Variants in ITPKB observed in about 807,000 individuals in gnomAD.
The protein encoded by ITPKB is IP3 3-kinase B.
ITPKB carries 13 observed loss-of-function variants against 69.4 expected under a neutral mutation model. The ratio of observed to expected loss-of-function variants is 0.19; its 90% CI spans 0.12 to 0.30. ITPKB has a LOEUF of 0.30. ITPKB is among the 10% of genes least tolerant of loss of function. The pLI, the probability that ITPKB is intolerant of heterozygous loss-of-function variation, is 1.00. For missense variants in ITPKB, 1,240 were observed against 1,250.5 expected, an observed-to-expected ratio of 0.99 and a Z score of 0.13; for synonymous variants, 584 against 513.7, an observed-to-expected ratio of 1.14 and a Z score of -1.85.
At chr1:226,733,583 C>CA (rs1401446310) in intron 2 of ITPKB, among the ~76,000 whole-genome samples, 1 of 141,770 alleles carries the variant, frequency 7.1e-6, no homozygotes, top group Non-Finnish European at 1.6e-5. Context: ...CACACACACA[C>CA]ACACACCCAC....
In ITPKB at chr1:226,735,573, G is replaced by A; in HGVS notation, c.1886C>T (p.Pro629Leu). The change falls in exon 2 of 8, where the codon CCC (proline) becomes CTC (leucine). Residue 629 changes from proline (P) to leucine (L), a missense_variant. By Grantham distance (98) the Pro-to-Leu change is moderately conservative. Around this residue, in one of 2 missense-constraint regions of ITPKB, gnomAD observed 992 missense variants for 853.8 expected, o/e 1.16. Coordinates refer to ENST00000429204, the MANE Select transcript of ITPKB (RefSeq NM_002221.4). ...CAGGGTATGCAGGAAGGCTGAGTTG[G>A]GGTCCAGGGTGCGCTCAGGGTCACT... Reference protein sequence around the residue: ...ISSDPERTLDPNSAFLHTLDQ... With the variant: ...ISSDPERTLDLNSAFLHTLDQ... The A allele has an allele frequency of 1.3e-6, 2 of 1,563,168 alleles. No homozygotes were observed.
chr1:226,637,468 G>C lies in ITPKB; in HGVS notation c.2625+211C>G, dbSNP rs1668862346. Among the ~76,000 whole-genome samples, 1 of 152,206 alleles carries C rather than the reference G, an allele frequency of 6.6e-6. No homozygotes were observed. The highest frequency in any genetic ancestry group is 2.4e-5 in the African/African-American group (1 of 41,458). ...ACAAGGGAGGAGAAAGGGGGCAATA[G>C]CCAGGGGTCTCAGGCAGGACAGCCC... On this transcript the variant is annotated intron_variant, in intron 7 of 7. Transcript: ENST00000429204. This position sits in a 1 kb window ranked among gnomAD's most constrained non-coding sequence, Gnocchi z 4.3.
chr1:226,729,823 G>A (rs917909571), intron 2 of ITPKB, among the ~76,000 whole-genome samples: 1 of 152,020 alleles, frequency 6.6e-6, no homozygotes, highest in Admixed American at 6.6e-5. Context: ...TCGAACTCCT[G>A]ACCTCAGGTG....
At chr1:226,662,454 G>A (rs1669419776) in intron 2 of ITPKB, among the ~76,000 whole-genome samples, 1 of 152,152 alleles carries the variant, frequency 6.6e-6, no homozygotes, top group Non-Finnish European at 1.5e-5. Flanking sequence ...AAAACTTCAG[G>A]TTATACATTT....
Position 226,738,672 on chromosome 1 carries a change from G to A in ITPKB, c.-206+369C>T, listed in dbSNP as rs912356487. Among the ~76,000 whole-genome samples, 1 of 152,080 alleles carries A rather than the reference G, an allele frequency of 6.6e-6. No homozygotes were observed. Among genetic ancestry groups the A allele is most frequent in the Admixed American group, 6.5e-5 (1 of 15,290 alleles). ...TAGCTCTGCAAACCTCCCAGGAGCC[G>A]GCGCTCTAACACCCCAGGGCAGCGC... On this transcript the variant is annotated intron_variant, in intron 1 of 7. Transcript: ENST00000429204. The surrounding 1 kb of genome is among the most constrained non-coding windows in gnomAD (Gnocchi z 4.2).
At chr1:226,665,365 T>C (rs1224884464) in intron 2 of ITPKB, among the ~76,000 whole-genome samples, 2 of 152,184 alleles carry the variant, frequency 1.3e-5, no homozygotes, top group Non-Finnish European at 2.9e-5. Context: ...CGCGGGCAAG[T>C]CACCTACTTT....
intron 2 of ITPKB, among the ~76,000 whole-genome samples, chr1:226,711,171 T>C (rs1362550026): frequency 2.6e-5 from 4 of 151,564 alleles, no homozygotes; most frequent in Non-Finnish European, 2.9e-5. Context: ...TGGGTGCTCA[T>C]AAATAGGACA....
intron 4 of ITPKB, among the ~76,000 whole-genome samples, chr1:226,643,660 G>T (rs139270273): frequency 6.6e-6 from 1 of 152,186 alleles, no homozygotes; most frequent in African/African-American, 2.4e-5. Context: ...AAATTTGCAC[G>T]GAAAGAAAAG....
chr1:226,645,372 G>A lies in ITPKB; in HGVS notation c.2246+1795C>T, dbSNP rs186958394. 2.8e-4 allele frequency among the ~76,000 whole-genome samples: 42 copies of A among 152,328 alleles called. No homozygotes were observed. The East Asian group carries it at 7.7e-3, about 28-fold the overall frequency. ...AGATCTCTCTTGAGAGCACTAGGGT[G>A]CAATCAGAGAGAAGCTGCGGAAGTC... On this transcript the variant is annotated intron_variant, in intron 4 of 7. Transcript: ENST00000429204.
rs1483131358 is a variant in ITPKB at position 226,735,939 on chromosome 1, C to T, written c.1520G>A (p.Arg507Lys). The change falls in exon 2 of 8, where the codon AGG becomes AAG. Residue 507 changes from arginine to lysine, a missense_variant. Physicochemically the swap from Arg to Lys is conservative, Grantham distance 26. Transcript: ENST00000429204. ...DRVGVQPGNS[R>K]VWQGTMEKAG... is the part of the protein sequence containing the mutation. ...TTTCTCCATGGTGCCCTGCCAAACC[C>T]TGGAGTTCCCAGGCTGCACACCCAC... 1 of 1,614,114 alleles carries T rather than the reference C, an allele frequency of 6.2e-7. No homozygotes were observed. The highest frequency in any genetic ancestry group is 1.7e-5 in the Admixed American group (1 of 60,028).
rs1223967867 is a variant in ITPKB, at chr1:226,736,468, G to A, written c.991C>T (p.Arg331Cys). The change falls in exon 2 of 8, where the codon CGT (arginine) becomes TGT (cysteine). Residue 331 changes from arginine (R) to cysteine (C), a missense_variant. Arg to Cys is a radical substitution (Grantham distance 180). Around this residue, in one of 2 missense-constraint regions of ITPKB, gnomAD observed 992 missense variants for 853.8 expected, o/e 1.16. Coordinates refer to ENST00000429204, the MANE Select transcript of ITPKB (RefSeq NM_002221.4). Reference protein sequence around the residue: ...LALTEPSGRARELEDLQPPEA... With the variant: ...LALTEPSGRACELEDLQPPEA... Reference sequence around the variant, plus strand: ...GGGGGCTGCAGGTCCTCAAGCTCACGGGCTCTCCCAGACGGCTCAGTGAGG... The same window carrying A: ...GGGGGCTGCAGGTCCTCAAGCTCACAGGCTCTCCCAGACGGCTCAGTGAGG... The A allele has an allele frequency of 5.6e-6, 9 of 1,613,626 alleles. No individual in the cohort carries two copies. In the East Asian group the frequency reaches 1.3e-4, roughly 24 times the overall value.
rs1373202660 is a variant in ITPKB at position 226,642,566 on chromosome 1, A to G, written c.2247-441T>C. Among the ~76,000 whole-genome samples, 1 of 151,934 alleles carries G rather than the reference A, an allele frequency of 6.6e-6. No individual in the cohort carries two copies. The highest frequency in any genetic ancestry group is 1.5e-5 in the Non-Finnish European group (1 of 67,998). On this transcript the variant is annotated intron_variant, in intron 4 of 7. Coordinates refer to ENST00000429204, the MANE Select transcript of ITPKB (RefSeq NM_002221.4). This position sits in a 1 kb window ranked among gnomAD's most constrained non-coding sequence, Gnocchi z 6.4. ...CCATCGGCTGGCCTCACAAAGCCCA[A>G]GGAGCTCCTCCTCGGGAGACCCCCA...
chr1:226,634,655 G>A lies in ITPKB; in HGVS notation c.*16C>T. The A allele has an allele frequency of 3.9e-6, 3 of 777,754 alleles. No individual in the cohort carries two copies. Among genetic ancestry groups the A allele is most frequent in the Admixed American group, 1.7e-5 (1 of 58,680 alleles). 48.2% of individuals were successfully genotyped at this position (777,754 alleles called of 1,614,324 possible). ...GAAAGGAGGCCCAGGCGGGGGCCAG[G>A]GAGGGCGTGGGCAGCTCAGGCGAGT... is the stretch of plus-strand genomic sequence containing the variant. On this transcript the variant is annotated 3_prime_UTR_variant, in exon 8 of 8. Transcript: ENST00000429204. This position sits in a 1 kb window ranked among gnomAD's most constrained non-coding sequence, Gnocchi z 6.3.
chr1:226,652,459 A>G (rs1020185395), intron 2 of ITPKB, among the ~76,000 whole-genome samples: 8 of 152,222 alleles, frequency 5.3e-5, no homozygotes, highest in African/African-American at 1.7e-4. Flanking sequence ...AGAAAGGAGG[A>G]CAACCCAGAA....
chr1:226,703,626 G>A (rs1656730153), intron 2 of ITPKB, among the ~76,000 whole-genome samples: 1 of 152,194 alleles, frequency 6.6e-6, no homozygotes, highest in South Asian at 2.1e-4. Context: ...ACGGGAAGGC[G>A]GCCGCCCCTG....
At chr1:226,727,711 C>A (rs1657466947) in intron 2 of ITPKB, among the ~76,000 whole-genome samples, 1 of 152,128 alleles carries the variant, frequency 6.6e-6, no homozygotes, top group Non-Finnish European at 1.5e-5. Flanking sequence ...GGTAAAAGCA[C>A]CTCGTTTGCA....
chr1:226,648,603 G>T, intron 3 of ITPKB, 69 bp downstream of exon 3: 1 of 923,490 alleles, frequency 1.1e-6, no homozygotes, highest in Non-Finnish European at 1.8e-6. Flanking sequence ...TCCCCAGAAT[G>T]CAGCGTCCAG....
chr1:226,679,699 A>G (rs1656030856), intron 2 of ITPKB, among the ~76,000 whole-genome samples: 1 of 152,250 alleles, frequency 6.6e-6, no homozygotes, highest in South Asian at 2.1e-4. Flanking sequence ...TAATGTTAGG[A>G]AAAAGTCTAA....
chr1:226,705,071 T>C (rs1204805570), intron 2 of ITPKB, among the ~76,000 whole-genome samples: 2 of 152,126 alleles, frequency 1.3e-5, no homozygotes, highest in African/African-American at 4.8e-5. Context: ...AAGTTATAGG[T>C]CAGTTACTCA....
Sources: allele counts gnomAD v4.1 joint callset (sites outside exome capture counted in the v4.1 genomes callset), GRCh38; gene constraint gnomAD v4.1.1; regional missense constraint gnomAD v4.1.1; non-coding constraint Gnocchi (gnomAD v3.1); transcripts MANE v1.5; gene names NCBI Gene and HGNC (gene_info 2026-07-23, HGNC 2026-07-21).